GMDS: variants seen among roughly 807,000 people sequenced by gnomAD.
GMDS encodes GDP-mannose 4,6 dehydratase.
In GMDS, 20 loss-of-function variants were observed where a neutral mutation model predicts 49.9. That is an observed-to-expected ratio of 0.40 (90% confidence interval 0.28 to 0.58). The LOEUF (loss-of-function observed/expected upper bound fraction) is 0.58, where lower values mean the gene tolerates loss of function less well. Among genes scored for constraint, GMDS ranks in the 20% least tolerant of loss-of-function variants. The pLI is 0.42. For synonymous variants in GMDS, 177 were observed against 178.6 expected (o/e 0.99, Z 0.07); for missense variants, 362 against 481.4 (o/e 0.75, Z 2.32).
At chr6:2,154,863 C>CAAAAAAAAAAAAAAA (rs70992124) in intron 1 of GMDS, among the ~76,000 whole-genome samples, 49 of 65,620 alleles carry the variant, frequency 7.5e-4, no homozygotes, top group Non-Finnish European at 1.2e-3. Context: ...TGAAGAGATG[C>CAAAAAAAAAAAAAAA]AAAAAAAAAA....
chr6:2,232,672 T>TC (rs1197895616), intron 1 of GMDS, among the ~76,000 whole-genome samples: 1 of 152,186 alleles, frequency 6.6e-6, no homozygotes, highest in Non-Finnish European at 1.5e-5. Flanking sequence ...CTGAGAGGCT[T>TC]CATAATGAGG....
chr6:1,914,384 G>A (rs1171779173), intron 7 of GMDS, among the ~76,000 whole-genome samples: 3 of 150,586 alleles, frequency 2.0e-5, no homozygotes, highest in East Asian at 3.9e-4. Context: ...GGAGAATGGC[G>A]TGAACCCAGG....
chr6:1,802,642 C>T (rs567064345), intron 7 of GMDS, among the ~76,000 whole-genome samples: 3 of 152,206 alleles, frequency 2.0e-5, no homozygotes, highest in South Asian at 2.1e-4. Context: ...TAGGCCTGGG[C>T]GAGTCTGCCC....
intron 7 of GMDS, among the ~76,000 whole-genome samples, chr6:1,883,284 G>A (rs537155213): frequency 6.6e-6 from 1 of 152,070 alleles, no homozygotes; most frequent in South Asian, 2.1e-4. Context: ...CCAGCTACTC[G>A]GGAGGCTGAG....
intron 1 of GMDS, among the ~76,000 whole-genome samples, chr6:2,156,793 A>T (rs527656122): frequency 2.0e-5 from 3 of 152,144 alleles, no homozygotes; most frequent in African/African-American, 7.2e-5. Flanking sequence ...CTGAATATAC[A>T]TCTATTTTCT....
chr6:1,937,005 T>G (rs1448139213), intron 6 of GMDS, among the ~76,000 whole-genome samples: 1 of 150,778 alleles, frequency 6.6e-6, no homozygotes, highest in African/African-American at 2.4e-5. Flanking sequence ...AGCTGCCCAA[T>G]ACAGGCATAT....
intron 6 of GMDS, among the ~76,000 whole-genome samples, chr6:1,955,704 T>A (rs908522384): frequency 5.3e-5 from 8 of 151,396 alleles, no homozygotes; most frequent in African/African-American, 1.5e-4. Context: ...TCTCTAGATG[T>A]ATTACACGGT....
chr6:1,690,932 A>G (rs1160499510), intron 9 of GMDS, among the ~76,000 whole-genome samples: 1 of 152,220 alleles, frequency 6.6e-6, no homozygotes, highest in Non-Finnish European at 1.5e-5. Context: ...TAGTTCAACC[A>G]TTGTGGATGA....
chr6:1,752,408 G>C lies in GMDS; in HGVS notation c.772-9822C>G, dbSNP rs184032719. ...ATGTGAAAAGACCAAACCTACCTTT[G>C]ATTGGTGTACCTGAAAGTGATGGGA... is the stretch of plus-strand genomic sequence containing the variant. On this transcript the variant is annotated intron_variant, in intron 7 of 10. Coordinates refer to ENST00000380815, the MANE Select transcript of GMDS (RefSeq NM_001500.4). Among the ~76,000 whole-genome samples, 241 of 152,342 alleles carry C rather than the reference G, an allele frequency of 1.6e-3. 1 individual carries two copies. Among genetic ancestry groups the C allele is most frequent in the African/African-American group, 5.4e-3 (226 of 41,586 alleles).
chr6:1,645,932 G>C (rs1450377739), intron 9 of GMDS, among the ~76,000 whole-genome samples: 1 of 152,168 alleles, frequency 6.6e-6, no homozygotes. Flanking sequence ...TGCCTCCCTA[G>C]AACATCAGTG....
At chr6:1,966,559 C>T (rs970443190) in intron 4 of GMDS, among the ~76,000 whole-genome samples, 12 of 152,144 alleles carry the variant, frequency 7.9e-5, no homozygotes, top group African/African-American at 2.7e-4. Flanking sequence ...CGACTCTAGC[C>T]CTGGGCTCAG....
At chr6:2,128,984 C>G (rs1775593885) in intron 1 of GMDS, among the ~76,000 whole-genome samples, 1 of 152,172 alleles carries the variant, frequency 6.6e-6, no homozygotes. Context: ...GGGCAGGGCA[C>G]CAGGGTCCCA....
intron 7 of GMDS, among the ~76,000 whole-genome samples, chr6:1,771,071 G>C (rs1768560267): frequency 6.6e-6 from 1 of 152,136 alleles, no homozygotes; most frequent in African/African-American, 2.4e-5. Context: ...ATGTTTATAA[G>C]GCATAGTCAC....
intron 8 of GMDS, among the ~76,000 whole-genome samples, chr6:1,739,797 G>C (rs1198223855): frequency 6.6e-6 from 1 of 152,220 alleles, no homozygotes; most frequent in Non-Finnish European, 1.5e-5. Flanking sequence ...AAGAAGCAGA[G>C]GGGCCCTGAA....
intron 7 of GMDS, among the ~76,000 whole-genome samples, chr6:1,846,328 A>C (rs1362963730): frequency 6.6e-6 from 1 of 152,000 alleles, no homozygotes; most frequent in South Asian, 2.1e-4. Context: ...CCTGGGCTCA[A>C]GTGATCCACT....
Position 1,642,460 on chromosome 6 carries a change from C to G in GMDS, c.988-17920G>C, listed in dbSNP as rs547685870. Among the ~76,000 whole-genome samples the G allele has an allele frequency of 2.2e-4, 33 of 152,296 alleles. No homozygotes were observed. The East Asian group carries it at 5.2e-3, about 24-fold the overall frequency. On this transcript the variant is annotated intron_variant, in intron 9 of 10. Coordinates refer to ENST00000380815, the MANE Select transcript of GMDS (RefSeq NM_001500.4). Reference sequence around the variant, plus strand: ...CTGGGATTACAGGCGTGAGCCACCACACCCGGCCAGTTTCCGTCTTTAAAC... The same window carrying G: ...CTGGGATTACAGGCGTGAGCCACCAGACCCGGCCAGTTTCCGTCTTTAAAC...
chr6:1,884,510 A>C (rs1440386732), intron 7 of GMDS, among the ~76,000 whole-genome samples: 1 of 152,192 alleles, frequency 6.6e-6, no homozygotes. Flanking sequence ...TATGGTGGGG[A>C]ATGTGAAAAC....
At chr6:1,899,565 G>A (rs1360364546) in intron 7 of GMDS, among the ~76,000 whole-genome samples, 4 of 152,160 alleles carry the variant, frequency 2.6e-5, no homozygotes, top group African/African-American at 9.7e-5. Context: ...AGAGAAAGCC[G>A]GTGGGCCATT....
intron 9 of GMDS, among the ~76,000 whole-genome samples, chr6:1,653,699 G>A (rs552443062): frequency 3.3e-4 from 51 of 152,294 alleles, no homozygotes; most frequent in Admixed American, 7.8e-4. Flanking sequence ...ACACTACGGG[G>A]AAAGAACAGT....
Sources: gnomAD v4.1 joint callset for allele counts (sites outside exome capture counted in the v4.1 genomes callset) on GRCh38, gnomAD v4.1.1 for gene constraint, MANE v1.5 for transcripts, NCBI Gene and HGNC (gene_info 2026-07-23, HGNC 2026-07-21) for gene names.